Variants in PIK3AP1 observed in about 807,000 individuals in gnomAD.
The protein encoded by PIK3AP1 is phosphoinositide-3-kinase adaptor protein 1.
PIK3AP1 carries 21 observed loss-of-function variants against 88.1 expected under a neutral mutation model. The observed-to-expected ratio is 0.24, with a 90% CI of 0.17 to 0.34. The LOEUF is 0.34. PIK3AP1 is among the 10% of genes least tolerant of loss of function. The pLI, the probability that PIK3AP1 is intolerant of heterozygous loss-of-function variation, is 1.00. For missense variants in PIK3AP1, 828 were observed against 1,035.7 expected, an observed-to-expected ratio of 0.80 and a Z score of 2.75; for synonymous variants, 398 against 400.0, an observed-to-expected ratio of 1.00 and a Z score of 0.06.
At chr10:96,663,553 C>G (rs964617121) in intron 2 of PIK3AP1, among the ~76,000 whole-genome samples, 3 of 147,250 alleles carry the variant, frequency 2.0e-5, no homozygotes, top group Non-Finnish European at 4.4e-5. Flanking sequence ...TCACTTGAAC[C>G]CAGGAGGCAG....
At chr10:96,631,407 G>A (rs1350923546) in intron 8 of PIK3AP1, among the ~76,000 whole-genome samples, 2 of 152,160 alleles carry the variant, frequency 1.3e-5, no homozygotes, top group African/African-American at 4.8e-5. Flanking sequence ...CGGAGAGGTA[G>A]GTGCAAAACT....
chr10:96,717,350 C>T (rs1003078444), intron 1 of PIK3AP1, among the ~76,000 whole-genome samples: 6 of 151,954 alleles, frequency 3.9e-5, no homozygotes, highest in African/African-American at 1.5e-4. Context: ...ATTTCTTCAG[C>T]CTATAGGTGA....
chr10:96,655,798 C>T (rs1316377064), intron 3 of PIK3AP1, among the ~76,000 whole-genome samples: 4 of 152,312 alleles, frequency 2.6e-5, no homozygotes, highest in African/African-American at 9.6e-5. Context: ...TCCTCCTTGC[C>T]TTCTGCTATG....
chr10:96,687,654 G>A (rs752711161), intron 2 of PIK3AP1, among the ~76,000 whole-genome samples: 11 of 152,098 alleles, frequency 7.2e-5, no homozygotes, highest in Admixed American at 1.3e-4. Flanking sequence ...CCTAAATCTC[G>A]TACACGTATC....
intron 13 of PIK3AP1, among the ~76,000 whole-genome samples, chr10:96,614,220 C>G (rs1250252015): frequency 6.6e-6 from 1 of 152,122 alleles, no homozygotes; most frequent in Non-Finnish European, 1.5e-5. Flanking sequence ...ACACTGGGTG[C>G]AACGCCAAAT....
intron 2 of PIK3AP1, among the ~76,000 whole-genome samples, chr10:96,687,269 AAAAAAAAAAAAAAAAAG>A (rs1217258644): frequency 2.0e-5 from 3 of 149,030 alleles, no homozygotes; most frequent in African/African-American, 7.5e-5. Context: ...AAAAAAAAAA[AAAAAAAAAAAAAAAAAG>A]AAAAAAGATC....
intron 1 of PIK3AP1, among the ~76,000 whole-genome samples, chr10:96,718,786 C>G (rs993686910): frequency 6.6e-6 from 1 of 152,184 alleles, no homozygotes; most frequent in African/African-American, 2.4e-5. Context: ...AGCCCAGGGC[C>G]TGTTCCTGAC....
At chr10:96,666,422 C>T (rs1026852208) in intron 2 of PIK3AP1, among the ~76,000 whole-genome samples, 4 of 151,634 alleles carry the variant, frequency 2.6e-5, no homozygotes, top group Non-Finnish European at 5.9e-5. Context: ...CCATCTCAAA[C>T]AAACAAACAA....
chr10:96,705,884 G>GT (rs964917515), intron 2 of PIK3AP1, among the ~76,000 whole-genome samples: 7,812 of 61,000 alleles, frequency 0.13, 2,507 homozygotes, highest in African/African-American at 0.29. Context: ...CCAGCCAGTT[G>GT]TTTTTTTTTT....
chr10:96,597,355 CCT>C (rs767744163), intron 16 of PIK3AP1, among the ~76,000 whole-genome samples: 3 of 34,252 alleles, frequency 8.8e-5, no homozygotes, highest in Admixed American at 4.9e-4. Context: ...TCCCTCCCTC[CCT>C]CTCTCTCTCT....
intron 8 of PIK3AP1, among the ~76,000 whole-genome samples, chr10:96,637,500 C>T (rs1843328624): frequency 6.6e-6 from 1 of 152,058 alleles, no homozygotes. Flanking sequence ...AGGCATGCAC[C>T]ACCATGCCTG....
intron 2 of PIK3AP1, among the ~76,000 whole-genome samples, chr10:96,696,975 T>C (rs1207724668): frequency 6.6e-6 from 1 of 152,218 alleles, no homozygotes; most frequent in Non-Finnish European, 1.5e-5. Context: ...TGTAAATGTC[T>C]GAGATGTCAA....
chr10:96,637,523 A>C (rs997944410), intron 8 of PIK3AP1, among the ~76,000 whole-genome samples: 1 of 151,936 alleles, frequency 6.6e-6, no homozygotes, highest in African/African-American at 2.4e-5. Context: ...TAATTTAAAA[A>C]AAATTTTTTA....
At chr10:96,646,687 A>G (rs1843464870) in intron 7 of PIK3AP1, among the ~76,000 whole-genome samples, 1 of 152,124 alleles carries the variant, frequency 6.6e-6, no homozygotes, top group Admixed American at 6.5e-5. Context: ...CAGGGGTTCC[A>G]GCCTCGATTT....
In PIK3AP1 at chr10:96,656,843, T is replaced by G. The variant is rs776181166; in HGVS notation, c.522A>C (p.Ser174=). 1.2e-6 allele frequency: 2 copies of G among 1,614,000 alleles called. No homozygotes were observed. The highest frequency in any genetic ancestry group is 1.7e-6 in the Non-Finnish European group (2 of 1,180,012). The change falls in exon 3 of 17, where the codon TCA becomes TCC. Residue 174 remains serine, a synonymous_variant. Coordinates refer to ENST00000339364, the MANE Select transcript of PIK3AP1 (RefSeq NM_152309.3). ...SKQQNLPTVT[S]PGNLMVVQPD... ...GCTGCACCACCATCAGGTTCCCAGGTGAAGTCACCGTCGGCAGGTTCTGCT... is the reference window on the plus strand; with the variant it reads ...GCTGCACCACCATCAGGTTCCCAGGGGAAGTCACCGTCGGCAGGTTCTGCT...
intron 2 of PIK3AP1, among the ~76,000 whole-genome samples, chr10:96,687,255 CAAAAAAAAAAA>C (rs59631566): frequency 2.9e-4 from 16 of 55,334 alleles, no homozygotes; most frequent in East Asian, 1.6e-3. Flanking sequence ...TACTCCATCT[CAAAAAAAAAAA>C]AAAAAAAAAA....
chr10:96,627,863 T>C lies in PIK3AP1; in HGVS notation c.1471+535A>G, dbSNP rs117997810. ...TATCTCATTTTACAACGGAGGAAAC[T>C]GAGTCCCAGAGGACTTGAATAACTT... is the stretch of plus-strand genomic sequence containing the variant. On this transcript the variant is annotated intron_variant, in intron 9 of 16. Coordinates refer to ENST00000339364, the MANE Select transcript of PIK3AP1 (RefSeq NM_152309.3). Among the ~76,000 whole-genome samples, 7 of 152,334 alleles carry C rather than the reference T, an allele frequency of 4.6e-5. 1 individual carries two copies. In the East Asian group the frequency reaches 1.3e-3, roughly 29 times the overall value.
At chr10:96,644,436 C>T (rs964462774) in intron 8 of PIK3AP1, among the ~76,000 whole-genome samples, 5 of 152,172 alleles carry the variant, frequency 3.3e-5, no homozygotes, top group African/African-American at 1.2e-4. Flanking sequence ...AAATATACCT[C>T]ATTTTATTAC....
rs1843619600 is a variant in PIK3AP1 at position 96,656,763 on chromosome 10, T to C, written c.567+35A>G. ...GCATGCATTTGAAAAGCCCAAGTGCTGACATCCAGCTACCAGGCCCCCAGC... is the reference window on the plus strand; with the variant it reads ...GCATGCATTTGAAAAGCCCAAGTGCCGACATCCAGCTACCAGGCCCCCAGC... On this transcript the variant is annotated intron_variant, in intron 3 of 16. Transcript: ENST00000339364. The C allele has an allele frequency of 1.9e-6, 3 of 1,609,986 alleles. No homozygotes were observed. In the African/African-American group the frequency reaches 4.0e-5, roughly 22 times the overall value.
Sources: gnomAD v4.1 joint callset for allele counts (sites outside exome capture counted in the v4.1 genomes callset) on GRCh38, gnomAD v4.1.1 for gene constraint, MANE v1.5 for transcripts, NCBI Gene and HGNC (gene_info 2026-07-23, HGNC 2026-07-21) for gene names.